The following ANKRD36C variants were observed in gnomAD, a reference collection of about 807,000 sequenced individuals.
ANKRD36C encodes the protein ankyrin repeat domain 36C, also known as ankyrin repeat domain-containing protein 36C.
ANKRD36C carries 61 observed loss-of-function variants against 276.4 expected under a neutral mutation model. The ratio of observed to expected loss-of-function variants is 0.22; its 90% CI spans 0.18 to 0.27. The LOEUF (loss-of-function observed/expected upper bound fraction) is 0.27, where lower values mean the gene tolerates loss of function less well. Ranked by LOEUF, ANKRD36C falls within the 10% of genes least tolerant of loss-of-function variation. The pLI is 1.00. For synonymous variants in ANKRD36C, 483 were observed against 680.1 expected (o/e 0.71, Z 4.51); for missense variants, 1,447 against 2,032.3 (o/e 0.71, Z 5.54).
At chr2:95,915,095 A>G (rs893930961) in intron 38 of ANKRD36C, among the ~76,000 whole-genome samples, 1 of 151,604 alleles carries the variant, frequency 6.6e-6, no homozygotes, top group African/African-American at 2.4e-5. Context: ...TCCAGTATTC[A>G]TTGAAAATGA....
chr2:95,895,807 G>C (rs1285337409), intron 44 of ANKRD36C, among the ~76,000 whole-genome samples: 1 of 150,878 alleles, frequency 6.6e-6, no homozygotes, highest in African/African-American at 2.4e-5. Context: ...TTCAAACATG[G>C]TATGATTTGT....
At position 95,879,491 on chromosome 2, in the gene ANKRD36C, T is replaced by C. The variant is rs565584224; in HGVS notation, c.3469+936A>G. Reference sequence around the variant, plus strand: ...AAGAAATGGTTAACGCTTGAGGTGATGGATAACCCATTAACCATGGTGTCA... The same window carrying C: ...AAGAAATGGTTAACGCTTGAGGTGACGGATAACCCATTAACCATGGTGTCA... On this transcript the variant is annotated intron_variant, in intron 58 of 66. Coordinates refer to ENST00000456556, the Ensembl canonical transcript of ANKRD36C. Among the ~76,000 whole-genome samples, 11 of 151,262 alleles carry C rather than the reference T, an allele frequency of 7.3e-5. No individual in the cohort carries two copies. In the South Asian group the frequency reaches 2.3e-3, roughly 32 times the overall value.
intron 60 of ANKRD36C, among the ~76,000 whole-genome samples, chr2:95,866,987 T>C (rs371426708): frequency 6.6e-6 from 1 of 152,186 alleles, no homozygotes; most frequent in Non-Finnish European, 1.5e-5. Flanking sequence ...CTGAAATCCA[T>C]ACCTTATAGC....
intron 34 of ANKRD36C, 71 bp from the exon 35 acceptor site, chr2:95,919,991 G>C (rs1677221862): frequency 5.5e-6 from 8 of 1,467,484 alleles, no homozygotes; most frequent in Non-Finnish European, 7.3e-6. Flanking sequence ...TTCACACAGT[G>C]TTAGCATCAA....
chr2:95,971,127 CT>C (rs1396465708), intron 6 of ANKRD36C, among the ~76,000 whole-genome samples: 2 of 151,972 alleles, frequency 1.3e-5, no homozygotes, highest in East Asian at 3.8e-4. Context: ...TAATATATGA[CT>C]ATGCTGGACA....
chr2:95,955,952 A>G (rs1558655422), intron 13 of ANKRD36C, among the ~76,000 whole-genome samples: 1 of 152,172 alleles, frequency 6.6e-6, no homozygotes, highest in Non-Finnish European at 1.5e-5. Context: ...AGAAGGTCTT[A>G]AACCCTAAGA....
At position 95,928,081 on chromosome 2, in the gene ANKRD36C, TAAA is replaced by T. The variant is rs777485940; in HGVS notation, c.1838-675_1838-673del. 9.4e-3 allele frequency among the ~76,000 whole-genome samples: 1,422 copies of T among 151,758 alleles called. 10 individuals are homozygous for T. Among genetic ancestry groups the T allele is most frequent in the South Asian group, 0.031 (150 of 4,820 alleles). Reference sequence around the variant, plus strand: ...ACAAACGATAATATATTAGCCTCAATAAAAATATCAATTACCAATGTTAACATA... The same window carrying T: ...ACAAACGATAATATATTAGCCTCAATAATATCAATTACCAATGTTAACATA... On this transcript the variant is annotated intron_variant, in intron 26 of 66. Transcript: ENST00000456556.
chr2:95,968,032 C>T (rs1678628008), intron 6 of ANKRD36C, among the ~76,000 whole-genome samples: 1 of 152,098 alleles, frequency 6.6e-6, no homozygotes, highest in Non-Finnish European at 1.5e-5. Flanking sequence ...GCAGAGGTTG[C>T]AGTGAGCCAA....
In ANKRD36C at chr2:95,851,595, CT is replaced by C. The variant is rs376981720; in HGVS notation, c.5313+98del. 4.1e-4 allele frequency: 432 copies of C among 1,056,672 alleles called. 2 individuals are homozygous for C. In the African/African-American group the frequency reaches 6.4e-3, roughly 16 times the overall value. 65.5% of individuals were successfully genotyped at this position (1,056,672 alleles called of 1,614,324 possible). A position where few individuals can be genotyped will look rare whatever the true frequency, so the allele number is the denominator to read the frequency against. On this transcript the variant is annotated intron_variant, in intron 66 of 66. Coordinates refer to ENST00000456556, the Ensembl canonical transcript of ANKRD36C. Reference sequence around the variant, plus strand: ...TATTCCAAAATCTGAAAAAAATCTACTTTTGGCCCCAAGCATTTTGGACAAG... The same window carrying C: ...TATTCCAAAATCTGAAAAAAATCTACTTTGGCCCCAAGCATTTTGGACAAG...
intron 30 of ANKRD36C, 53 bp downstream of exon 30, chr2:95,925,299 C>T (rs1275635891): frequency 6.5e-6 from 10 of 1,546,568 alleles, no homozygotes; most frequent in Admixed American, 5.9e-5. Flanking sequence ...AGGGGTGGGA[C>T]GTTCTCTTCT....
At position 95,989,940 on chromosome 2, in the gene ANKRD36C, C is replaced by T. The variant is rs2918821; in HGVS notation, c.197+1572G>A. Among the ~76,000 whole-genome samples, 380 of 152,170 alleles carry T rather than the reference C, an allele frequency of 2.5e-3. 3 individuals carry two copies. Among genetic ancestry groups the T allele is most frequent in the Non-Finnish European group, 3.3e-3 (225 of 67,996 alleles). ...TGCTTTGCTCTATTTTAAATGAGAG[C>T]TCTTGTTTATTTGAAGAATTCTCTG... On this transcript the variant is annotated intron_variant, in intron 1 of 66. Transcript: ENST00000456556.
intron 30 of ANKRD36C, 83 bp from the exon 31 acceptor site, chr2:95,923,772 C>T (rs1323063456): frequency 1.9e-6 from 3 of 1,566,990 alleles, no homozygotes; most frequent in Admixed American, 1.8e-5. Flanking sequence ...TAGAATCAAG[C>T]TGTATGCTCC....
chr2:95,864,696 T>C (rs1675651032), intron 60 of ANKRD36C, among the ~76,000 whole-genome samples: 1 of 152,094 alleles, frequency 6.6e-6, no homozygotes, highest in Admixed American at 6.5e-5. Flanking sequence ...GATAAGCTTT[T>C]ATTGGAACAC....
chr2:95,942,077 G>C (rs1316083402), intron 19 of ANKRD36C, among the ~76,000 whole-genome samples: 3 of 152,072 alleles, frequency 2.0e-5, no homozygotes, highest in Non-Finnish European at 4.4e-5. Flanking sequence ...AAGGCAGTTT[G>C]AGACCTGTCA....
intron 61 of ANKRD36C, 100 bp from the exon 82 acceptor site, chr2:95,857,592 G>A (rs1675447874): frequency 1.7e-6 from 2 of 1,203,186 alleles, no homozygotes; most frequent in South Asian, 1.7e-5. Context: ...AGGGAGTCGT[G>A]CCCTACAAAC....
At chr2:95,910,242 A>G (rs1676870809) in intron 42 of ANKRD36C, 131 bp downstream of exon 46, 4 of 1,115,770 alleles carry the variant, frequency 3.6e-6, no homozygotes, top group African/African-American at 3.2e-5. Context: ...ACAACTTACT[A>G]CAAATGAAGA....
intron 17 of ANKRD36C, among the ~76,000 whole-genome samples, chr2:95,945,868 A>G (rs1678033169): frequency 6.6e-6 from 1 of 152,252 alleles, no homozygotes; most frequent in Admixed American, 6.5e-5. Flanking sequence ...GGAAAATATT[A>G]GACTGAGGTA....
intron 3 of ANKRD36C, among the ~76,000 whole-genome samples, chr2:95,983,391 C>A (rs921712603): frequency 1.1e-4 from 17 of 151,376 alleles, no homozygotes; most frequent in African/African-American, 4.1e-4. Flanking sequence ...TAATTATAAT[C>A]TTAGGACCCT....
intron 59 of ANKRD36C, among the ~76,000 whole-genome samples, chr2:95,874,083 G>A (rs1278344732): frequency 6.6e-6 from 1 of 151,804 alleles, no homozygotes; most frequent in Non-Finnish European, 1.5e-5. Context: ...GAATCAGTAT[G>A]GTTAAAATGG....
Sources: allele counts gnomAD v4.1 joint callset (sites outside exome capture counted in the v4.1 genomes callset), GRCh38; gene constraint gnomAD v4.1.1; transcripts MANE v1.5; gene names NCBI Gene and HGNC (gene_info 2026-07-23, HGNC 2026-07-21).